TMEM38B: variants seen among roughly 807,000 people sequenced by gnomAD.
The protein encoded by TMEM38B is trimeric intracellular cation channel type B.
In TMEM38B, 24 loss-of-function variants were observed where a neutral mutation model predicts 28.7. The ratio of observed to expected loss-of-function variants is 0.84; its 90% confidence interval spans 0.61 to 1.18. The LOEUF is 1.18. Among genes scored for constraint, TMEM38B ranks in the 50% most tolerant of loss-of-function variants. The pLI, the probability that TMEM38B is intolerant of heterozygous loss-of-function variation, is 0.00. For synonymous variants in TMEM38B, 131 were observed against 127.7 expected (o/e 1.03, Z -0.17); for missense variants, 380 against 350.9 (o/e 1.08, Z -0.66).
intron 4 of TMEM38B, among the ~76,000 whole-genome samples, chr9:105,738,426 C>T (rs1837064438): frequency 6.6e-6 from 1 of 152,062 alleles, no homozygotes; most frequent in Admixed American, 6.5e-5. Context: ...TATAGAGTTG[C>T]TTCTACTCCT....
intron 2 of TMEM38B, among the ~76,000 whole-genome samples, chr9:105,707,426 T>G (rs1253375246): frequency 6.6e-6 from 1 of 152,144 alleles, no homozygotes; most frequent in Non-Finnish European, 1.5e-5. Context: ...ATAGTTTTTT[T>G]AATGTATAAA....
At chr9:105,740,899 G>T (rs1489046120) in intron 4 of TMEM38B, among the ~76,000 whole-genome samples, 4 of 152,190 alleles carry the variant, frequency 2.6e-5, no homozygotes, top group Non-Finnish European at 4.4e-5. Flanking sequence ...GTAAATAAAT[G>T]CAGTAAGACT....
chr9:105,748,684 C>G (rs1837527355), intron 5 of TMEM38B, among the ~76,000 whole-genome samples: 2 of 152,262 alleles, frequency 1.3e-5, no homozygotes, highest in African/African-American at 4.8e-5. Flanking sequence ...GTTTTGCTGC[C>G]TAGTCCCTGA....
chr9:105,720,957 A>G (rs1386247235), intron 2 of TMEM38B, among the ~76,000 whole-genome samples: 2 of 152,182 alleles, frequency 1.3e-5, no homozygotes, highest in East Asian at 3.8e-4. Flanking sequence ...AAATTAAAGA[A>G]CAGCTTCATA....
Position 105,720,182 on chromosome 9 carries a change from A to G in TMEM38B, c.270-1355A>G, listed in dbSNP as rs559521171. Among the ~76,000 whole-genome samples the G allele has an allele frequency of 3.9e-5, 6 of 152,080 alleles. No individual in the cohort carries two copies. The South Asian group carries it at 1.0e-3, about 26-fold the overall frequency. Reference sequence around the variant, plus strand: ...TCTTTAATTATCAACTAATGCTTTGATTTGCTGTATTTTGGATTTTGAATC... The same window carrying G: ...TCTTTAATTATCAACTAATGCTTTGGTTTGCTGTATTTTGGATTTTGAATC... On this transcript the variant is annotated intron_variant, in intron 2 of 5. Coordinates refer to ENST00000374692, the MANE Select transcript of TMEM38B (RefSeq NM_018112.3).
intron 4 of TMEM38B, among the ~76,000 whole-genome samples, chr9:105,742,829 A>T (rs1175007124): frequency 6.6e-6 from 1 of 152,236 alleles, no homozygotes; most frequent in Non-Finnish European, 1.5e-5. Context: ...CCATGTTTTT[A>T]TCTTATCCTT....
chr9:105,759,928 G>C lies in TMEM38B; in HGVS notation c.660+11738G>C. On this transcript the variant is annotated intron_variant, in intron 5 of 5. Transcript: ENST00000374692. ...GGCTGAAATGATCATGAAACCAAAT[G>C]TTGGACAAAGCAGCACAAGTGTGCA... 4 of 1,592,766 alleles carry C rather than the reference G, an allele frequency of 2.5e-6. No individual in the cohort carries two copies. In the African/African-American group the frequency reaches 5.4e-5, roughly 21 times the overall value.
intron 5 of TMEM38B, among the ~76,000 whole-genome samples, chr9:105,763,459 T>C (rs1435236586): frequency 5.3e-5 from 8 of 151,918 alleles, no homozygotes; most frequent in Non-Finnish European, 1.0e-4. Context: ...AACACCTCTA[T>C]GCAAATAAAC....
At chr9:105,731,673 A>G (rs561951983) in intron 4 of TMEM38B, among the ~76,000 whole-genome samples, 3 of 152,264 alleles carry the variant, frequency 2.0e-5, no homozygotes, top group African/African-American at 4.8e-5. Context: ...TCCATGGTGT[A>G]TATGTGCCAC....
intron 2 of TMEM38B, among the ~76,000 whole-genome samples, chr9:105,715,367 C>T (rs899934263): frequency 6.6e-6 from 1 of 151,674 alleles, no homozygotes; most frequent in African/African-American, 2.4e-5. Context: ...CATTAAGGTC[C>T]AGTCATTTAA....
Position 105,749,349 on chromosome 9 carries a change from G to A in TMEM38B, c.660+1159G>A, listed in dbSNP as rs142674815. 7.8e-3 allele frequency: 1,509 copies of A among 192,878 alleles called. 24 individuals are homozygous for A. The highest frequency in any genetic ancestry group is 0.034 in the African/African-American group (1,431 of 41,990). The allele number at this position is 192,878 out of a possible 1,614,324, so 11.9% of individuals were successfully genotyped here. A position where few individuals can be genotyped will look rare whatever the true frequency, so the allele number is the denominator to read the frequency against. ...AGGCTTCACAATCATGGTGGAAGGT[G>A]GAGGAGGAGCAAAGGCACATCTTAC... On this transcript the variant is annotated intron_variant, in intron 5 of 5. Coordinates refer to ENST00000374692, the MANE Select transcript of TMEM38B (RefSeq NM_018112.3).
intron 5 of TMEM38B, chr9:105,759,473 A>G: frequency 6.3e-7 from 1 of 1,577,682 alleles, no homozygotes; most frequent in Non-Finnish European, 8.6e-7. Context: ...AATTTAAGAA[A>G]CAGAGGAGTG....
Position 105,705,664 on chromosome 9 carries a change from T to G in TMEM38B, c.180T>G (p.Gly60=). The G allele has an allele frequency of 6.2e-7, 1 of 1,614,082 alleles. No individual in the cohort carries two copies. Residue 60 remains glycine, a synonymous_variant, in exon 2 of 6, where the codon GGT becomes GGG. Coordinates refer to ENST00000374692, the MANE Select transcript of TMEM38B (RefSeq NM_018112.3). ...TTACTGCTATGCTCCACTGTTTTGG[T>G]GGAGGAATTTTATCCTGTCTACTGC... ...SWFTAMLHCF[G]GGILSCLLLA...
chr9:105,711,445 AAAAAG>A (rs1283152107), intron 2 of TMEM38B, among the ~76,000 whole-genome samples: 9 of 152,142 alleles, frequency 5.9e-5, no homozygotes, highest in South Asian at 4.1e-4. Context: ...TGTCTCAAAA[AAAAAG>A]AAAAGAAAAG....
chr9:105,733,421 C>CTTCTT (rs367561796), intron 4 of TMEM38B, among the ~76,000 whole-genome samples: 5 of 127,874 alleles, frequency 3.9e-5, no homozygotes, highest in African/African-American at 1.4e-4. Flanking sequence ...TTTCTTTTTT[C>CTTCTT]TTTTTTTTTT....
At chr9:105,761,969 C>T (rs1838067947) in intron 5 of TMEM38B, among the ~76,000 whole-genome samples, 1 of 152,046 alleles carries the variant, frequency 6.6e-6, no homozygotes. Context: ...AAACAAGGTT[C>T]TTCAGGTTTC....
At chr9:105,743,502 T>C (rs1837278677) in intron 4 of TMEM38B, among the ~76,000 whole-genome samples, 1 of 152,214 alleles carries the variant, frequency 6.6e-6, no homozygotes, top group African/African-American at 2.4e-5. Flanking sequence ...AATAATTTGT[T>C]ACTGAGATAT....
intron 5 of TMEM38B, among the ~76,000 whole-genome samples, chr9:105,749,801 G>A (rs1837578469): frequency 6.6e-6 from 1 of 152,040 alleles, no homozygotes; most frequent in African/African-American, 2.4e-5. Context: ...TCACTTTTTG[G>A]CTAATATGGA....
chr9:105,700,484 A>G (rs1835427941), intron 1 of TMEM38B, among the ~76,000 whole-genome samples: 1 of 152,236 alleles, frequency 6.6e-6, no homozygotes, highest in Admixed American at 6.5e-5. Context: ...TTAGTAAATT[A>G]TGGAGCTAGT....
Sources: allele counts gnomAD v4.1 joint callset (sites outside exome capture counted in the v4.1 genomes callset), GRCh38; gene constraint gnomAD v4.1.1; transcripts MANE v1.5; gene names NCBI Gene and HGNC (gene_info 2026-07-23, HGNC 2026-07-21).